The following ITGA9 variants were observed in gnomAD, a reference collection of about 807,000 sequenced individuals.
ITGA9 encodes the protein integrin subunit alpha 9.
In ITGA9, 56 loss-of-function variants were observed where a neutral mutation model predicts 127.8. The observed-to-expected ratio is 0.44, with a 90% CI of 0.35 to 0.55. The LOEUF is 0.55. Among genes scored for constraint, ITGA9 ranks in the 20% least tolerant of loss-of-function variants. The pLI is 0.00. For synonymous variants in ITGA9, 508 were observed against 514.5 expected (o/e 0.99, Z 0.17); for missense variants, 1,196 against 1,347.1 (o/e 0.89, Z 1.76).
intron 19 of ITGA9, among the ~76,000 whole-genome samples, chr3:37,735,880 G>A (rs146553720): frequency 5.8e-4 from 89 of 152,324 alleles, no homozygotes; most frequent in African/African-American, 2.0e-3. Context: ...ACCTTAGTCA[G>A]TTCAGTCATC....
intron 17 of ITGA9, among the ~76,000 whole-genome samples, chr3:37,654,066 G>A (rs1393489452): frequency 6.6e-6 from 1 of 152,068 alleles, no homozygotes; most frequent in East Asian, 1.9e-4. Context: ...TTGAGGGGTG[G>A]CTATTTTATG....
intron 1 of ITGA9, among the ~76,000 whole-genome samples, chr3:37,459,050 A>G (rs1000148627): frequency 1.4e-4 from 22 of 152,228 alleles, no homozygotes; most frequent in African/African-American, 5.1e-4. Flanking sequence ...GGAAAAATCT[A>G]CAGTCTTTGA....
intron 15 of ITGA9, among the ~76,000 whole-genome samples, chr3:37,617,695 T>C (rs1205207723): frequency 6.6e-6 from 1 of 152,124 alleles, no homozygotes; most frequent in Admixed American, 6.6e-5. Context: ...CTTCTCTTCT[T>C]GCTTCATTTC....
At chr3:37,744,653 T>C (rs1183475788) in intron 22 of ITGA9, among the ~76,000 whole-genome samples, 3 of 152,206 alleles carry the variant, frequency 2.0e-5, no homozygotes, top group Non-Finnish European at 4.4e-5. Context: ...CTTCTCTTAG[T>C]TGGGGGTCAG....
At chr3:37,528,132 A>G (rs1445853266) in intron 13 of ITGA9, among the ~76,000 whole-genome samples, 3 of 152,318 alleles carry the variant, frequency 2.0e-5, no homozygotes, top group East Asian at 3.9e-4. Context: ...GGTCCATCAT[A>G]TAGACTCTGC....
chr3:37,685,553 G>A (rs1481209831), intron 18 of ITGA9, among the ~76,000 whole-genome samples: 1 of 152,154 alleles, frequency 6.6e-6, no homozygotes, highest in East Asian at 1.9e-4. Flanking sequence ...CCATCTCCCT[G>A]TGCAGGGTGG....
chr3:37,506,183 T>C, intron 7 of ITGA9, 98 bp downstream of exon 7: 1 of 894,456 alleles, frequency 1.1e-6, no homozygotes, highest in Non-Finnish European at 1.8e-6. Flanking sequence ...GACCTGAACA[T>C]TCTACTGGGT....
chr3:37,776,066 C>T (rs1159417550), intron 23 of ITGA9, among the ~76,000 whole-genome samples: 1 of 152,164 alleles, frequency 6.6e-6, no homozygotes, highest in East Asian at 1.9e-4. Flanking sequence ...TTATCCCTAG[C>T]AAACTAACAC....
Position 37,528,783 on chromosome 3 carries a change from C to T in ITGA9, c.1373+2712C>T, listed in dbSNP as rs77929515. On this transcript the variant is annotated intron_variant, in intron 13 of 27. Transcript: ENST00000264741. ...TCTGTATTAAGGTAGAATTTGCATG[C>T]AATAAAATGCACCAATTTGAGAGTA... Among the ~76,000 whole-genome samples, 238 of 152,304 alleles carry T rather than the reference C, an allele frequency of 1.6e-3. 2 individuals are homozygous for T. Among genetic ancestry groups the T allele is most frequent in the African/African-American group, 5.4e-3 (226 of 41,572 alleles).
At chr3:37,697,797 C>T (rs945761447) in intron 18 of ITGA9, among the ~76,000 whole-genome samples, 2 of 152,124 alleles carry the variant, frequency 1.3e-5, no homozygotes, top group Middle Eastern at 3.2e-3. Flanking sequence ...AATAAACATA[C>T]GTGTGCATGT....
intron 26 of ITGA9, among the ~76,000 whole-genome samples, chr3:37,800,937 G>A (rs1425481194): frequency 2.0e-5 from 3 of 151,974 alleles, no homozygotes; most frequent in African/African-American, 7.3e-5. Context: ...GATCACCTGA[G>A]GCCAGGAGTT....
At chr3:37,746,956 T>C (rs1173467632) in intron 22 of ITGA9, among the ~76,000 whole-genome samples, 2 of 152,196 alleles carry the variant, frequency 1.3e-5, no homozygotes, top group Non-Finnish European at 2.9e-5. Context: ...GGCTCTGCCC[T>C]TCTGACCTCA....
At chr3:37,769,920 G>A (rs1174741214) in intron 23 of ITGA9, among the ~76,000 whole-genome samples, 4 of 152,186 alleles carry the variant, frequency 2.6e-5, no homozygotes, top group Non-Finnish European at 5.9e-5. Flanking sequence ...ATGTGGAATA[G>A]CTACTATGCA....
intron 18 of ITGA9, among the ~76,000 whole-genome samples, chr3:37,703,591 C>T (rs1167604017): frequency 6.6e-6 from 1 of 152,142 alleles, no homozygotes; most frequent in Non-Finnish European, 1.5e-5. Flanking sequence ...TAGTCATAAA[C>T]AAGATTTCTC....
Position 37,748,564 on chromosome 3 carries a change from A to T in ITGA9, c.2434-1898A>T, listed in dbSNP as rs111978935. On this transcript the variant is annotated intron_variant, in intron 22 of 27. Transcript: ENST00000264741. ...GGAGTTTGAGACCAACCTGGCCAAC[A>T]TGGTGAAATCCCGTCTCTACTAAAA... 1,358 of 455,016 alleles carry T rather than the reference A, an allele frequency of 3.0e-3. 22 individuals are homozygous for T. Among genetic ancestry groups the T allele is most frequent in the African/African-American group, 0.025 (1,238 of 49,914 alleles). 28.2% of individuals were successfully genotyped at this position (455,016 alleles called of 1,614,324 possible).
intron 15 of ITGA9, among the ~76,000 whole-genome samples, chr3:37,604,904 A>G (rs1219019028): frequency 6.6e-6 from 1 of 152,208 alleles, no homozygotes; most frequent in Admixed American, 6.5e-5. Context: ...TCAGTTGTCT[A>G]TCAAGTTCAT....
intron 15 of ITGA9, among the ~76,000 whole-genome samples, chr3:37,562,846 G>A (rs969561504): frequency 6.6e-6 from 1 of 152,058 alleles, no homozygotes; most frequent in Non-Finnish European, 1.5e-5. Context: ...TTTAATTAAT[G>A]AGCCAAACAG....
chr3:37,736,256 C>T (rs879891114), intron 19 of ITGA9, among the ~76,000 whole-genome samples: 43 of 152,072 alleles, frequency 2.8e-4, no homozygotes, highest in Admixed American at 7.2e-4. Context: ...AAACATTCAG[C>T]GCATAAGACT....
intron 5 of ITGA9, 138 bp from the exon 6 acceptor site, chr3:37,503,040 G>C: frequency 1.1e-6 from 1 of 872,368 alleles, no homozygotes; most frequent in Non-Finnish European, 1.8e-6. Context: ...GGTGAAATCT[G>C]TTTTTGTTGC....
Sources: gnomAD v4.1 joint callset for allele counts (sites outside exome capture counted in the v4.1 genomes callset) on GRCh38, gnomAD v4.1.1 for gene constraint, MANE v1.5 for transcripts, NCBI Gene and HGNC (gene_info 2026-07-23, HGNC 2026-07-21) for gene names.